Variants in CGGBP1 observed in about 807,000 individuals in gnomAD.
CGGBP1 encodes the protein CGG triplet repeat binding protein 1, also known as CGG triplet repeat-binding protein 1.
In CGGBP1, 4 loss-of-function variants were observed where a neutral mutation model predicts 11.4. That is an observed-to-expected ratio of 0.35 (90% CI 0.17 to 0.80). CGGBP1 has a LOEUF of 0.80. CGGBP1 is among the 30% of genes least tolerant of loss of function. The pLI, the probability that CGGBP1 is intolerant of heterozygous loss-of-function variation, is 0.52. For missense variants in CGGBP1, 135 were observed against 202.1 expected (o/e 0.67, Z 2.01); for synonymous variants, 76 against 74.1 (o/e 1.03, Z -0.13).
At chr3:88,105,414 A>G (rs145017489) in intron 2 of CGGBP1, among the ~76,000 whole-genome samples, 31 of 152,288 alleles carry the variant, frequency 2.0e-4, no homozygotes, top group Non-Finnish European at 3.4e-4. Flanking sequence ...TAGCATAGTC[A>G]GTCAATTTGT....
upstream of CGGBP1, among the ~76,000 whole-genome samples, chr3:88,062,467 A>G (rs1706938699): frequency 6.6e-6 from 1 of 152,288 alleles, no homozygotes; most frequent in South Asian, 2.1e-4. Context: ...TTTAGAAAGT[A>G]CTCTTTCATT....
chr3:88,135,015 T>C, intron 2 of CGGBP1: 1 of 1,279,614 alleles, frequency 7.8e-7, no homozygotes, highest in Non-Finnish European at 1.0e-6. Context: ...TGTCTGTATT[T>C]GAATAAACTG....
chr3:88,108,115 T>C (rs1704856142), intron 2 of CGGBP1, among the ~76,000 whole-genome samples: 1 of 152,236 alleles, frequency 6.6e-6, no homozygotes, highest in African/African-American at 2.4e-5. Context: ...TTGGGACCAA[T>C]ATTAGTTAAA....
chr3:88,128,940 G>A, intron 2 of CGGBP1: 1 of 1,535,298 alleles, frequency 6.5e-7, no homozygotes, highest in Non-Finnish European at 8.7e-7. Flanking sequence ...AATCAGTAAA[G>A]ACTTATACTT....
Position 88,077,331 on chromosome 3 carries a change from A to ATTT in CGGBP1, c.-228-19109_-228-19108insAAA, listed in dbSNP as rs372006323. ...AAAAGAGAAAAAGTTGCAGACTTAA[A>ATTT]TTGTTTTTTTTTTTTTTTTTGAGAC... On this transcript the variant is annotated intron_variant, in intron 2 of 3. Transcript: ENST00000462901. Among the ~76,000 whole-genome samples the ATTT allele has an allele frequency of 7.9e-5, 11 of 139,706 alleles. 2 individuals are homozygous for ATTT. The highest frequency in any genetic ancestry group is 1.1e-4 in the African/African-American group (4 of 37,612). 91.7% of individuals were successfully genotyped at this position (139,706 alleles called of 152,430 possible).
rs1403040860 is a variant in CGGBP1, at chr3:88,055,509, C to G, written c.468G>C (p.Glu156Asp). The G allele has an allele frequency of 6.5e-7, 1 of 1,537,204 alleles. No homozygotes were observed. Among genetic ancestry groups the G allele is most frequent in the Non-Finnish European group, 8.8e-7 (1 of 1,141,180 alleles). Residue 156 changes from glutamate to aspartate, a missense_variant, in exon 4 of 4, where the codon GAG (glutamate) becomes GAC (aspartate). By Grantham distance (45) the Glu-to-Asp change is conservative. Coordinates refer to ENST00000482016, the MANE Select transcript of CGGBP1 (RefSeq NM_001008390.2). The surrounding 1 kb of genome is among the most constrained non-coding windows in gnomAD (Gnocchi z 4.2). ...GTGAGTTGAGGAGTTGATTCTCATT[C>G]TCATATCCATCAGGAAGATATGCCC... ...LRRAYLPDGY[E>D]NENQLLNSQD...
At chr3:88,064,385 A>T (rs887528550) in intron 2 of CGGBP1, among the ~76,000 whole-genome samples, 1 of 152,116 alleles carries the variant, frequency 6.6e-6, no homozygotes, top group Non-Finnish European at 1.5e-5. Flanking sequence ...GTTTTTGTTT[A>T]TCCCTTTCCT....
chr3:88,064,331 C>G (rs1295848495), intron 2 of CGGBP1, among the ~76,000 whole-genome samples: 2 of 152,146 alleles, frequency 1.3e-5, no homozygotes, highest in African/African-American at 2.4e-5. Context: ...CACTATTGAT[C>G]TCACTATTGA....
intron 2 of CGGBP1, chr3:88,140,926 A>G: frequency 6.2e-7 from 1 of 1,613,610 alleles, no homozygotes; most frequent in Non-Finnish European, 8.5e-7. Flanking sequence ...GTGTATAAAA[A>G]ATCAGTGAAA....
intron 2 of CGGBP1, among the ~76,000 whole-genome samples, chr3:88,117,855 T>C (rs1559721649): frequency 6.6e-6 from 1 of 151,880 alleles, no homozygotes; most frequent in Non-Finnish European, 1.5e-5. Flanking sequence ...TAAGGGGAAG[T>C]GCAGCATAGA....
chr3:88,081,075 A>G (rs1413808392), intron 2 of CGGBP1, among the ~76,000 whole-genome samples: 1 of 151,990 alleles, frequency 6.6e-6, no homozygotes, highest in African/African-American at 2.4e-5. Flanking sequence ...TTTGAAGAGC[A>G]CTGATCAGTT....
At chr3:88,138,280 G>C (rs1347154757) in intron 2 of CGGBP1, among the ~76,000 whole-genome samples, 5 of 151,910 alleles carry the variant, frequency 3.3e-5, no homozygotes, top group African/African-American at 1.2e-4. Context: ...TTTAAGCCTA[G>C]TTTATTTCTT....
chr3:88,059,147 A>G (rs1706679873), upstream of CGGBP1: 7 of 1,289,636 alleles, frequency 5.4e-6, no homozygotes, highest in Admixed American at 1.7e-4. Context: ...TCTTCCAATA[A>G]AAACTGGGGG....
intron 2 of CGGBP1, among the ~76,000 whole-genome samples, chr3:88,068,863 C>T (rs1707345820): frequency 6.6e-6 from 1 of 152,090 alleles, no homozygotes; most frequent in Non-Finnish European, 1.5e-5. Context: ...GCCAGTTTGA[C>T]AGCCAAAAGC....
chr3:88,144,452 AGTT>A (rs1707261813), intron 1 of CGGBP1: 1 of 152,380 alleles, frequency 6.6e-6, no homozygotes, highest in African/African-American at 2.4e-5. Context: ...TGCATTTTGG[AGTT>A]GTTAATATGT....
intron 2 of CGGBP1, among the ~76,000 whole-genome samples, chr3:88,108,951 A>G (rs1344790203): frequency 2.6e-5 from 4 of 152,186 alleles, no homozygotes; most frequent in African/African-American, 9.7e-5. Flanking sequence ...TCAAACCGCA[A>G]AATTTAAAGC....
intron 2 of CGGBP1, among the ~76,000 whole-genome samples, chr3:88,101,887 A>G (rs1197905631): frequency 2.0e-5 from 3 of 151,946 alleles, no homozygotes; most frequent in Non-Finnish European, 4.4e-5. Context: ...TTTGTTTTTA[A>G]TTTGCATTTC....
intron 2 of CGGBP1, among the ~76,000 whole-genome samples, chr3:88,091,086 G>A (rs1311736379): frequency 1.3e-5 from 2 of 152,148 alleles, no homozygotes; most frequent in Admixed American, 6.5e-5. Flanking sequence ...TTGTAGCCCA[G>A]GTGTGTAGTA....
At chr3:88,102,046 TA>T (rs1704456756) in intron 2 of CGGBP1, among the ~76,000 whole-genome samples, 1 of 152,192 alleles carries the variant, frequency 6.6e-6, no homozygotes, top group African/African-American at 2.4e-5. Context: ...ATTCTGGATA[TA>T]CACTCTTTAT....
Sources: gnomAD v4.1 joint callset for allele counts (sites outside exome capture counted in the v4.1 genomes callset) on GRCh38, gnomAD v4.1.1 for gene constraint, Gnocchi (gnomAD v3.1) non-coding constraint, MANE v1.5 for transcripts, NCBI Gene and HGNC (gene_info 2026-07-23, HGNC 2026-07-21) for gene names.